NRXN2: variants seen among roughly 807,000 people sequenced by gnomAD.
NRXN2 encodes neurexin 2, also known as neurexin-2-beta.
NRXN2 carries 29 observed loss-of-function variants against 128.8 expected under a neutral mutation model. That is an observed-to-expected ratio of 0.23 (90% CI 0.17 to 0.31). NRXN2 has a LOEUF of 0.31. Ranked by LOEUF, NRXN2 falls within the 10% of genes least tolerant of loss-of-function variation. The pLI, the probability that NRXN2 is intolerant of heterozygous loss-of-function variation, is 1.00. For synonymous variants in NRXN2, 1,098 were observed against 1,075.2 expected, an observed-to-expected ratio of 1.02 and a Z score of -0.41; for missense variants, 1,881 against 2,452.6, an observed-to-expected ratio of 0.77 and a Z score of 4.92.
intron 1 of NRXN2, among the ~76,000 whole-genome samples, chr11:64,719,987 CA>C (rs1303327526): frequency 6.6e-6 from 1 of 152,232 alleles, no homozygotes; most frequent in Non-Finnish European, 1.5e-5. Flanking sequence ...CGCACAAGGC[CA>C]GGCACACAGT....
In NRXN2 at chr11:64,648,113, C is replaced by T; in HGVS notation, c.3403+106G>A. The stretch of plus-strand genomic sequence containing the variant: ...ACAAGGGATGAGAAGGAAGAAGCAG[C>T]ACAGCTCCTGAATGCTCAGAGGCCC... On this transcript the variant is annotated intron_variant, in intron 17 of 22. Transcript: ENST00000265459. This position sits in a 1 kb window ranked among gnomAD's most constrained non-coding sequence, Gnocchi z 4.1. 6.7e-7 allele frequency: 1 copy of T among 1,501,740 alleles called. No homozygotes were observed. The highest frequency in any genetic ancestry group is 9.2e-7 in the Non-Finnish European group (1 of 1,086,164). 93.0% of individuals were successfully genotyped at this position (1,501,740 alleles called of 1,614,324 possible).
Position 64,620,238 on chromosome 11 carries a change from C to A in NRXN2, c.4252+56G>T, listed in dbSNP as rs2042114312. 8.5e-6 allele frequency: 12 copies of A among 1,404,554 alleles called. No individual in the cohort carries two copies. The East Asian group carries it at 1.7e-4, about 20-fold the overall frequency. 87.0% of individuals were successfully genotyped at this position (1,404,554 alleles called of 1,614,324 possible). On this transcript the variant is annotated intron_variant, in intron 22 of 22. Transcript: ENST00000265459. Reference sequence around the variant, plus strand: ...GCCAGGTGGCAGGGACAGTCGCCCCCCTCCCAGCAGCATCGCAGAGGGACC... The same window carrying A: ...GCCAGGTGGCAGGGACAGTCGCCCCACTCCCAGCAGCATCGCAGAGGGACC...
Position 64,660,397 on chromosome 11 carries a change from C to G in NRXN2, c.2324G>C (p.Arg775Thr). 2 of 1,614,186 alleles carry G rather than the reference C, an allele frequency of 1.2e-6. No homozygotes were observed. The highest frequency in any genetic ancestry group is 1.7e-6 in the Non-Finnish European group (2 of 1,180,034). The change falls in exon 11 of 23, where the codon AGG (arginine) becomes ACG (threonine). Residue 775 changes from arginine (R) to threonine (T), a missense_variant. Transcript: ENST00000265459. The surrounding 1 kb of genome is among the most constrained non-coding windows in gnomAD (Gnocchi z 5.2). ...CAGGCGTAGGGTGTCGGCAGACTCCCTGGAAGTGGTGGCCATCATGAGTCC... is the reference window on the plus strand; with the variant it reads ...CAGGCGTAGGGTGTCGGCAGACTCCGTGGAAGTGGTGGCCATCATGAGTCC... ...AYGLMMATTS[R>T]ESADTLRLEL...
Position 64,631,739 on chromosome 11 carries a change from G to A in NRXN2, c.3586-1166C>T, listed in dbSNP as rs968446004. Among the ~76,000 whole-genome samples the A allele has an allele frequency of 6.6e-6, 1 of 152,160 alleles. No homozygotes were observed. Among genetic ancestry groups the A allele is most frequent in the Non-Finnish European group, 1.5e-5 (1 of 68,028 alleles). On this transcript the variant is annotated intron_variant, in intron 18 of 22. Transcript: ENST00000265459. The surrounding 1 kb of genome is among the most constrained non-coding windows in gnomAD (Gnocchi z 4.8). ...TAGGAAGACCCTGACTCAAGGAGGT[G>A]GGGGTGTGGGATGATCCAAGAGGCT...
chr11:64,695,111 G>T (rs969803323), intron 3 of NRXN2, among the ~76,000 whole-genome samples: 3 of 152,086 alleles, frequency 2.0e-5, no homozygotes, highest in Non-Finnish European at 4.4e-5. Context: ...AGTCCCAGCT[G>T]GCCCCAGGGT....
At chr11:64,650,745 G>T in intron 14 of NRXN2, 107 bp from the exon 15 acceptor site, 1 of 1,055,464 alleles carries the variant, frequency 9.5e-7, no homozygotes, top group Non-Finnish European at 1.4e-6. Context: ...CATGGGAAGA[G>T]GGATTGAAAG....
chr11:64,642,327 G>A (rs2045810034), intron 17 of NRXN2, among the ~76,000 whole-genome samples: 2 of 151,924 alleles, frequency 1.3e-5, no homozygotes, highest in Non-Finnish European at 1.5e-5. Context: ...ACAGAGATGA[G>A]GGTGATGGGG....
chr11:64,660,698 A>G lies in NRXN2; in HGVS notation c.2185+55T>C. The G allele has an allele frequency of 1.2e-6, 2 of 1,602,974 alleles. No individual in the cohort carries two copies. Among genetic ancestry groups the G allele is most frequent in the Middle Eastern group, 3.3e-4 (2 of 5,978 alleles). ...GATGGAAAGTAGGAGTCACCCTGAG[A>G]AGGAGGAGCACAGGGATAGGGAGCA... On this transcript the variant is annotated intron_variant, in intron 10 of 22. Coordinates refer to ENST00000265459, the MANE Select transcript of NRXN2 (RefSeq NM_015080.4). The surrounding 1 kb of genome is among the most constrained non-coding windows in gnomAD (Gnocchi z 5.2).
Position 64,607,874 on chromosome 11 carries a change from C to T in NRXN2, c.4461G>A (p.Glu1487=), listed in dbSNP as rs751575732. The change falls in exon 23 of 23, where the codon GAG becomes GAA. Residue 1487 remains glutamate, a synonymous_variant. Coordinates refer to ENST00000265459, the MANE Select transcript of NRXN2 (RefSeq NM_015080.4). ...CGAAGCCCGAGGCCTCGATGGGCTC[C>T]TCGCAGTCGCTGTCGTCCCGCTCGG... The part of the protein sequence containing the change: ...CQAERDDSDC[E]EPIEASGFAS... 4.4e-6 allele frequency: 7 copies of T among 1,586,936 alleles called. No homozygotes were observed. Among genetic ancestry groups the T allele is most frequent in the Admixed American group, 3.5e-5 (2 of 56,796 alleles).
rs369204796 is a variant in NRXN2, at chr11:64,650,647, C to G, written c.2919-9G>C. The stretch of plus-strand genomic sequence containing the variant: ...ACACGTAGTGGATGTACCTGCCCCA[C>G]AGTAGGGAGGAGACACTGGGTCAGG... On this transcript the variant is annotated splice_polypyrimidine_tract_variant and intron_variant, in intron 14 of 22. Coordinates refer to ENST00000265459, the MANE Select transcript of NRXN2 (RefSeq NM_015080.4). The G allele has an allele frequency of 3.7e-6, 6 of 1,613,816 alleles. No individual in the cohort carries two copies. The African/African-American group carries it at 8.0e-5, about 22-fold the overall frequency.
chr11:64,669,751 C>G (rs1393994997), intron 7 of NRXN2, among the ~76,000 whole-genome samples: 11 of 152,172 alleles, frequency 7.2e-5, no homozygotes, highest in Admixed American at 5.9e-4. Flanking sequence ...GGGCCAAGGG[C>G]TATGAGACCA....
intron 11 of NRXN2, among the ~76,000 whole-genome samples, chr11:64,658,832 G>A (rs533993437): frequency 3.3e-5 from 5 of 151,982 alleles, no homozygotes; most frequent in South Asian, 2.1e-4. Context: ...CAAGACCAGC[G>A]TGGCCAAGAT....
chr11:64,685,176 C>T (rs767948236), intron 6 of NRXN2, among the ~76,000 whole-genome samples: 5 of 152,166 alleles, frequency 3.3e-5, no homozygotes, highest in Admixed American at 1.3e-4. Flanking sequence ...TGCCTTCGTG[C>T]CTTGCTGCCC....
chr11:64,638,148 C>G (rs1364459615), intron 17 of NRXN2, among the ~76,000 whole-genome samples: 1 of 152,170 alleles, frequency 6.6e-6, no homozygotes. Flanking sequence ...GTCCCCGCCC[C>G]CGAGGCCCGC....
intron 19 of NRXN2, among the ~76,000 whole-genome samples, chr11:64,629,525 C>A (rs1027951220): frequency 9.9e-5 from 15 of 152,170 alleles, no homozygotes; most frequent in African/African-American, 3.6e-4. Flanking sequence ...AAGGCTCTGT[C>A]TCTGCCTCCC....
At chr11:64,719,206 A>G (rs1172906195) in intron 1 of NRXN2, among the ~76,000 whole-genome samples, 1 of 152,126 alleles carries the variant, frequency 6.6e-6, no homozygotes, top group African/African-American at 2.4e-5. Flanking sequence ...GATCCTCACC[A>G]GGGCTTGGTG....
chr11:64,674,811 C>A (rs1023202301), intron 7 of NRXN2, among the ~76,000 whole-genome samples: 2 of 152,222 alleles, frequency 1.3e-5, no homozygotes, highest in Non-Finnish European at 2.9e-5. Flanking sequence ...AGTAACATTA[C>A]AATTTCCTTT....
chr11:64,713,713 C>A lies in NRXN2; in HGVS notation c.-14G>T. On this transcript the variant is annotated 5_prime_UTR_variant, in exon 2 of 23. Transcript: ENST00000265459. ...CCCGGACGCCATGCCTACGGCGGCCCCGGCCCCGCCCGGCCCCCGGCCCCC... is the reference window on the plus strand; with the variant it reads ...CCCGGACGCCATGCCTACGGCGGCCACGGCCCCGCCCGGCCCCCGGCCCCC... The A allele has an allele frequency of 9.5e-7, 1 of 1,050,514 alleles. No homozygotes were observed. Among genetic ancestry groups the A allele is most frequent in the South Asian group, 4.4e-5 (1 of 22,726 alleles). The allele number at this position is 1,050,514 out of a possible 1,614,324, so 65.1% of individuals were successfully genotyped here.
At chr11:64,680,785 G>A (rs1284876490) in intron 6 of NRXN2, among the ~76,000 whole-genome samples, 1 of 152,070 alleles carries the variant, frequency 6.6e-6, no homozygotes, top group Non-Finnish European at 1.5e-5. Flanking sequence ...ACCAGGAGAG[G>A]TGTTCTTCTG....
Sources: allele counts gnomAD v4.1 joint callset (sites outside exome capture counted in the v4.1 genomes callset), GRCh38; gene constraint gnomAD v4.1.1; non-coding constraint Gnocchi (gnomAD v3.1); transcripts MANE v1.5; gene names NCBI Gene and HGNC (gene_info 2026-07-23, HGNC 2026-07-21).